The following CIB2 variants were observed in gnomAD, a reference collection of about 807,000 sequenced individuals.
CIB2 encodes the protein calcium and integrin-binding family member 2.
CIB2 carries 19 observed loss-of-function variants against 23.1 expected under a neutral mutation model. That is an observed-to-expected ratio of 0.82 (90% CI 0.57 to 1.21). CIB2 has a LOEUF of 1.21. Among genes scored for constraint, CIB2 ranks in the 50% most tolerant of loss-of-function variants. CIB2 has a pLI of 0.00. For missense variants in CIB2, 220 were observed against 241.5 expected, an observed-to-expected ratio of 0.91 and a Z score of 0.59; for synonymous variants, 94 against 91.7, an observed-to-expected ratio of 1.03 and a Z score of -0.14.
At position 78,111,289 on chromosome 15, in the gene CIB2, C is replaced by A; in HGVS notation, c.87-13G>T. On this transcript the variant is annotated splice_polypyrimidine_tract_variant and intron_variant, in intron 2 of 5. Transcript: ENST00000258930. ...TCGCGAATGCAGCCTTGGAGGAAAG[C>A]AGAGAAAAAGCGCTGGAGGGGGTGC... 1 of 1,610,444 alleles carries A rather than the reference C, an allele frequency of 6.2e-7. No individual in the cohort carries two copies. The highest frequency in any genetic ancestry group is 1.7e-5 in the Admixed American group (1 of 59,658).
chr15:78,127,305 G>A (rs947546222), intron 1 of CIB2, among the ~76,000 whole-genome samples: 8 of 152,174 alleles, frequency 5.3e-5, no homozygotes, highest in African/African-American at 1.9e-4. Context: ...CTTTTGGAGA[G>A]CAAGTGCCCC....
At position 78,105,302 on chromosome 15, in the gene CIB2, G is replaced by C. The variant is rs2074048725; in HGVS notation, c.*9C>G. The C allele has an allele frequency of 2.5e-6, 4 of 1,613,996 alleles. No homozygotes were observed. The highest frequency in any genetic ancestry group is 1.7e-5 in the Admixed American group (1 of 60,004). The stretch of plus-strand genomic sequence containing the variant: ...GGACTTCTAGGCCCCTACAGCCTCG[G>C]CAGTGTCCTCAGATCCGGATGTGGA... On this transcript the variant is annotated 3_prime_UTR_variant, in exon 6 of 6. Transcript: ENST00000258930.
rs1181032377 is a variant in CIB2 at position 78,123,695 on chromosome 15, C to T, written c.86+10G>A. ...CAGTCCCAACAGGGTGAACGAGAAG[C>T]CACACTTACTTGAGGATGTCCTTCT... On this transcript the variant is annotated intron_variant, in intron 2 of 5. Transcript: ENST00000258930. 2 of 1,614,078 alleles carry T rather than the reference C, an allele frequency of 1.2e-6. No individual in the cohort carries two copies. Among genetic ancestry groups the T allele is most frequent in the Non-Finnish European group, 1.7e-6 (2 of 1,179,950 alleles).
intron 1 of CIB2, among the ~76,000 whole-genome samples, chr15:78,127,009 T>C (rs766274944): frequency 1.3e-5 from 2 of 152,116 alleles, no homozygotes; most frequent in Non-Finnish European, 2.9e-5. Flanking sequence ...GGCAAGTCAT[T>C]CTCCTTTCTG....
intron 1 of CIB2, among the ~76,000 whole-genome samples, chr15:78,130,828 T>C (rs2074443508): frequency 6.6e-6 from 1 of 152,108 alleles, no homozygotes; most frequent in African/African-American, 2.4e-5. Flanking sequence ...AGGGCGGTCC[T>C]CCGTCCAGCC....
chr15:78,120,139 T>G (rs921352721), intron 2 of CIB2, among the ~76,000 whole-genome samples: 1 of 152,130 alleles, frequency 6.6e-6, no homozygotes, highest in Non-Finnish European at 1.5e-5. Flanking sequence ...CCTGAGTTCA[T>G]GTAATCCACC....
Position 78,105,347 on chromosome 15 carries a change from A to C in CIB2, c.543-15T>G, listed in dbSNP as rs764364325. 16 of 1,613,764 alleles carry C rather than the reference A, an allele frequency of 9.9e-6. No individual in the cohort carries two copies. Among genetic ancestry groups the C allele is most frequent in the Non-Finnish European group, 1.4e-5 (16 of 1,179,836 alleles). On this transcript the variant is annotated splice_polypyrimidine_tract_variant and intron_variant, in intron 5 of 5. Transcript: ENST00000258930. ...TGTGGAAAGTGCTAGAAAGAGAGAA[A>C]GGGCAAGAGAGGGTGAGAGGCCCTG...
Position 78,121,799 on chromosome 15 carries a change from C to A in CIB2, c.86+1906G>T, listed in dbSNP as rs551935697. ...CCCAGTCTCAGGCAGTTCTTTATAG[C>A]AGCATGAGAATGGACTAAAACAACC... On this transcript the variant is annotated intron_variant, in intron 2 of 5. Coordinates refer to ENST00000258930, the MANE Select transcript of CIB2 (RefSeq NM_006383.4). Among the ~76,000 whole-genome samples, 36 of 152,322 alleles carry A rather than the reference C, an allele frequency of 2.4e-4. No individual in the cohort carries two copies. In the South Asian group the frequency reaches 6.6e-3, roughly 28 times the overall value.
At chr15:78,128,548 G>T (rs939275736) in intron 1 of CIB2, among the ~76,000 whole-genome samples, 6 of 152,130 alleles carry the variant, frequency 3.9e-5, no homozygotes, top group African/African-American at 1.4e-4. Flanking sequence ...ATGGTGGTGG[G>T]TGCCTGTAAT....
At chr15:78,105,375 T>C (rs1432742902) in intron 5 of CIB2, 43 bp from the exon 6 acceptor site, 2 of 1,613,022 alleles carry the variant, frequency 1.2e-6, no homozygotes, top group African/African-American at 2.7e-5. Flanking sequence ...AGGCCCTGGG[T>C]CGGGCAGGTA....
At chr15:78,105,404 G>C (rs998004958) in intron 5 of CIB2, 72 bp from the exon 6 acceptor site, 3 of 1,605,326 alleles carry the variant, frequency 1.9e-6, no homozygotes, top group Non-Finnish European at 2.6e-6. Flanking sequence ...TCAGGGAAAA[G>C]CACAGCAGGC....
chr15:78,115,453 G>T (rs1277991765), intron 2 of CIB2, among the ~76,000 whole-genome samples: 1 of 151,700 alleles, frequency 6.6e-6, no homozygotes, highest in Non-Finnish European at 1.5e-5. Context: ...GTAGAGATGG[G>T]GTTTCGTCAT....
rs781701914 is a variant in CIB2, at chr15:78,104,822, G to A, written c.*489C>T. ...ACAGCTTCACATTGTGAAGGAGGCC[G>A]GGAGAAGGGGAACAGGCAGGGGTGG... On this transcript the variant is annotated 3_prime_UTR_variant, in exon 6 of 6. Transcript: ENST00000258930. The surrounding 1 kb of genome is among the most constrained non-coding windows in gnomAD (Gnocchi z 4.4). 4.2e-5 allele frequency: 7 copies of A among 166,582 alleles called. No homozygotes were observed. The highest frequency in any genetic ancestry group is 3.2e-4 in the East Asian group (2 of 6,172). 10.3% of individuals were successfully genotyped at this position (166,582 alleles called of 1,614,324 possible).
In CIB2 at chr15:78,105,578, A is replaced by C. The variant is rs537734069; in HGVS notation, c.542+161T>G. 2.5e-4 allele frequency: 380 copies of C among 1,497,090 alleles called. 5 individuals are homozygous for C. In the East Asian group the frequency reaches 8.7e-3, roughly 34 times the overall value. The allele number at this position is 1,497,090 out of a possible 1,614,324, so 92.7% of individuals were successfully genotyped here. A position where few individuals can be genotyped will look rare whatever the true frequency, so the allele number is the denominator to read the frequency against. On this transcript the variant is annotated intron_variant, in intron 5 of 5. Coordinates refer to ENST00000258930, the MANE Select transcript of CIB2 (RefSeq NM_006383.4). ...TCAACCTTCCCCCTGCAGGGGACAA[A>C]GGCCAGTCACACGTCTAGGGCAAGG...
Position 78,111,284 on chromosome 15 carries a change from G to A in CIB2, c.87-8C>T, listed in dbSNP as rs1039513666. 5 of 1,611,616 alleles carry A rather than the reference G, an allele frequency of 3.1e-6. No homozygotes were observed. Among genetic ancestry groups the A allele is most frequent in the Non-Finnish European group, 4.2e-6 (5 of 1,178,428 alleles). Reference sequence around the variant, plus strand: ...TAGAATCGCGAATGCAGCCTTGGAGGAAAGCAGAGAAAAAGCGCTGGAGGG... The same window carrying A: ...TAGAATCGCGAATGCAGCCTTGGAGAAAAGCAGAGAAAAAGCGCTGGAGGG... On this transcript the variant is annotated splice_region_variant and splice_polypyrimidine_tract_variant and intron_variant, in intron 2 of 5. Transcript: ENST00000258930.
chr15:78,119,569 A>G (rs1203889961), intron 2 of CIB2, among the ~76,000 whole-genome samples: 3 of 151,620 alleles, frequency 2.0e-5, no homozygotes, highest in East Asian at 3.9e-4. Context: ...AAGCATATAT[A>G]TACTTTTTTT....
At chr15:78,111,135 C>T (rs753473721) in intron 3 of CIB2, 30 bp downstream of exon 3, 2 of 1,597,872 alleles carry the variant, frequency 1.3e-6, no homozygotes, top group East Asian at 2.2e-5. Context: ...CACAGATCCC[C>T]TGCTCGCCAG....
chr15:78,112,620 G>A (rs2074177116), intron 2 of CIB2, among the ~76,000 whole-genome samples: 1 of 152,136 alleles, frequency 6.6e-6, no homozygotes, highest in Non-Finnish European at 1.5e-5. Flanking sequence ...CAAGTGTAAG[G>A]GGCATTGACT....
chr15:78,113,647 C>T (rs1046244619), intron 2 of CIB2, among the ~76,000 whole-genome samples: 1 of 152,038 alleles, frequency 6.6e-6, no homozygotes, highest in Non-Finnish European at 1.5e-5. Context: ...TCTCCTGCCT[C>T]AGCCTCCTGA....
Sources: allele counts gnomAD v4.1 joint callset (sites outside exome capture counted in the v4.1 genomes callset), GRCh38; gene constraint gnomAD v4.1.1; non-coding constraint Gnocchi (gnomAD v3.1); transcripts MANE v1.5; gene names NCBI Gene and HGNC (gene_info 2026-07-23, HGNC 2026-07-21).